GNAO1: variants seen among roughly 807,000 people sequenced by gnomAD.
GNAO1 encodes the protein guanine nucleotide-binding protein G(o) subunit alpha.
For synonymous variants in GNAO1, 164 were observed against 180.7 expected (o/e 0.91, Z 0.74); for missense variants, 166 against 478.7 (o/e 0.35, Z 6.10).
chr16:56,194,582 T>A (rs1364262595), intron 2 of GNAO1: 4 of 224,458 alleles, frequency 1.8e-5, no homozygotes, highest in African/African-American at 9.3e-5. Context: ...TCGGAGGGAG[T>A]CGGCGGTGTT....
intron 1 of GNAO1, 52 bp downstream of exon 1, chr16:56,192,405 CCCTGCCACCAGCT>C: frequency 8.9e-7 from 1 of 1,127,280 alleles, no homozygotes; most frequent in African/African-American, 1.6e-5. Flanking sequence ...ACTCCGCACC[CCCTGCCACCAGCT>C]CCCCCACCCC....
chr16:56,194,079 C>G, intron 2 of GNAO1: 1 of 456,324 alleles, frequency 2.2e-6, no homozygotes, highest in South Asian at 1.5e-5. Flanking sequence ...CAAGCGGGTT[C>G]TAGGCGGCGC....
intron 6 of GNAO1, among the ~76,000 whole-genome samples, chr16:56,337,063 AGTGTGGC>A (rs2037747332): frequency 6.6e-6 from 1 of 152,250 alleles, no homozygotes; most frequent in Non-Finnish European, 1.5e-5. Flanking sequence ...TCATGATGCC[AGTGTGGC>A]AGAGCCTGTG....
intron 2 of GNAO1, among the ~76,000 whole-genome samples, chr16:56,227,687 C>CAAA (rs386384777): frequency 0.016 from 989 of 61,712 alleles, 61 homozygotes; most frequent in African/African-American, 0.035. Context: ...GACCCTGTCT[C>CAAA]AAAAAAAAAA....
At chr16:56,355,632 TC>T (rs1484870358) in intron 8 of GNAO1, 1 of 152,246 alleles carries the variant, frequency 6.6e-6, no homozygotes, top group African/African-American at 2.4e-5. Context: ...AGGATGCTTC[TC>T]TTTCGGGTGG....
At chr16:56,312,854 C>T (rs1464829477) in intron 3 of GNAO1, among the ~76,000 whole-genome samples, 1 of 152,132 alleles carries the variant, frequency 6.6e-6, no homozygotes, top group Non-Finnish European at 1.5e-5. Context: ...ATGGGCTCAC[C>T]GAGTCAGAAA....
chr16:56,271,978 T>C (rs1567463899), intron 2 of GNAO1, among the ~76,000 whole-genome samples: 1 of 152,176 alleles, frequency 6.6e-6, no homozygotes, highest in Non-Finnish European at 1.5e-5. Context: ...TCTTTATTGA[T>C]ACATTTAAGG....
chr16:56,195,232 AG>A (rs765443405), intron 2 of GNAO1, among the ~76,000 whole-genome samples: 20 of 152,040 alleles, frequency 1.3e-4, no homozygotes, highest in Non-Finnish European at 2.9e-4. Context: ...CCATCACAAA[AG>A]TTTCTGGTTC....
At chr16:56,345,058 C>G (rs1596878422) in intron 6 of GNAO1, 1 of 985,470 alleles carries the variant, frequency 1.0e-6, no homozygotes, top group East Asian at 1.1e-4. Flanking sequence ...ACACACCCCC[C>G]TGTCCCCAAC....
At chr16:56,246,547 G>A (rs2036745945) in intron 2 of GNAO1, among the ~76,000 whole-genome samples, 1 of 152,150 alleles carries the variant, frequency 6.6e-6, no homozygotes, top group Admixed American at 6.5e-5. Context: ...CGTAAACTTC[G>A]CAGCTGCAGC....
chr16:56,205,772 A>G (rs2036322018), intron 2 of GNAO1, among the ~76,000 whole-genome samples: 2 of 152,234 alleles, frequency 1.3e-5, no homozygotes, highest in South Asian at 2.1e-4. Flanking sequence ...AGGACCTTAC[A>G]GTTTTAGAGA....
At chr16:56,275,033 C>T (rs1161621593) in intron 2 of GNAO1, among the ~76,000 whole-genome samples, 1 of 152,184 alleles carries the variant, frequency 6.6e-6, no homozygotes, top group Non-Finnish European at 1.5e-5. Flanking sequence ...AAGGAGGTCT[C>T]AGTTATTATA....
intron 3 of GNAO1, among the ~76,000 whole-genome samples, chr16:56,314,951 G>A (rs1218822962): frequency 6.6e-6 from 1 of 152,098 alleles, no homozygotes; most frequent in Non-Finnish European, 1.5e-5. Context: ...GAGGCAGAGT[G>A]ACCTGAAGCC....
At chr16:56,226,734 T>G (rs1200661272) in intron 2 of GNAO1, among the ~76,000 whole-genome samples, 8 of 152,228 alleles carry the variant, frequency 5.3e-5, no homozygotes, top group African/African-American at 1.9e-4. Context: ...TTTCAATAAC[T>G]ATGAGTTTGG....
chr16:56,291,939 C>A (rs560051754), intron 3 of GNAO1, among the ~76,000 whole-genome samples: 1 of 152,334 alleles, frequency 6.6e-6, no homozygotes, highest in East Asian at 1.9e-4. Context: ...AAGGCCCCAC[C>A]TCTTAATATC....
At chr16:56,291,138 CA>C (rs113077002) in intron 3 of GNAO1, among the ~76,000 whole-genome samples, 3 of 152,240 alleles carry the variant, frequency 2.0e-5, no homozygotes, top group African/African-American at 7.2e-5. Context: ...TAACTAGGGG[CA>C]AAACTGATGG....
chr16:56,316,393 C>T (rs147309229), intron 3 of GNAO1, among the ~76,000 whole-genome samples: 164 of 152,280 alleles, frequency 1.1e-3, no homozygotes, highest in African/African-American at 3.2e-3. Context: ...GCAACCTGGC[C>T]GAGAGGCTGT....
At chr16:56,223,631 C>T (rs2036510630) in intron 2 of GNAO1, among the ~76,000 whole-genome samples, 1 of 152,052 alleles carries the variant, frequency 6.6e-6, no homozygotes, top group Admixed American at 6.5e-5. Flanking sequence ...TGCTTGACTT[C>T]TTGGTTTAAG....
chr16:56,287,306 T>G (rs1208815195), intron 3 of GNAO1, among the ~76,000 whole-genome samples: 1 of 152,158 alleles, frequency 6.6e-6, no homozygotes, highest in African/African-American at 2.4e-5. Flanking sequence ...GCTTCAAAGC[T>G]GGGGAGGCAC....
Sources: allele counts gnomAD v4.1 joint callset (sites outside exome capture counted in the v4.1 genomes callset), GRCh38; gene constraint gnomAD v4.1.1; transcripts MANE v1.5; gene names NCBI Gene and HGNC (gene_info 2026-07-23, HGNC 2026-07-21).